RAB3C: variants seen among roughly 807,000 people sequenced by gnomAD.
The protein encoded by RAB3C is RAB3C, member RAS oncogene family.
In RAB3C, 17 loss-of-function variants were observed where a neutral mutation model predicts 26.4. The ratio of observed to expected loss-of-function variants is 0.64; its 90% CI spans 0.44 to 0.97. RAB3C has a LOEUF of 0.97. Ranked by LOEUF, RAB3C falls within the 50% of genes least tolerant of loss-of-function variation. The probability of loss-of-function intolerance (pLI) is 0.00; values close to 1 mark genes in which losing one functional copy is unlikely to be tolerated. For synonymous variants in RAB3C, 91 were observed against 95.9 expected, an observed-to-expected ratio of 0.95 and a Z score of 0.30; for missense variants, 242 against 281.9, an observed-to-expected ratio of 0.86 and a Z score of 1.01.
chr5:58,708,231 C>A (rs1220477220), intron 2 of RAB3C, among the ~76,000 whole-genome samples: 1 of 152,128 alleles, frequency 6.6e-6, no homozygotes, highest in East Asian at 1.9e-4. Context: ...CTCAAGTGAT[C>A]CTCTAGCCTC....
At chr5:58,685,533 C>A (rs1296832948) in intron 2 of RAB3C, among the ~76,000 whole-genome samples, 1 of 152,122 alleles carries the variant, frequency 6.6e-6, no homozygotes, top group Non-Finnish European at 1.5e-5. Context: ...TTCCTTCTCC[C>A]AAATAAGACC....
intron 2 of RAB3C, among the ~76,000 whole-genome samples, chr5:58,670,550 T>C (rs1253716242): frequency 6.6e-6 from 1 of 152,214 alleles, no homozygotes; most frequent in African/African-American, 2.4e-5. Context: ...TAATTATGTA[T>C]TTCCAACAGA....
intron 2 of RAB3C, among the ~76,000 whole-genome samples, chr5:58,622,076 C>T (rs1333017294): frequency 2.0e-5 from 3 of 152,096 alleles, no homozygotes; most frequent in Non-Finnish European, 2.9e-5. Context: ...TTCCTGAATG[C>T]GTTACACCTC....
intron 4 of RAB3C, among the ~76,000 whole-genome samples, chr5:58,826,626 G>A (rs1346864754): frequency 1.3e-5 from 2 of 152,056 alleles, no homozygotes; most frequent in South Asian, 2.1e-4. Context: ...TAAAACTTCT[G>A]TAAAACAAAA....
chr5:58,732,064 TTTTATTTA>T (rs72117623), intron 3 of RAB3C, among the ~76,000 whole-genome samples: 2 of 148,934 alleles, frequency 1.3e-5, no homozygotes, highest in Non-Finnish European at 3.0e-5. Flanking sequence ...TTATAGAGAA[TTTTATTTA>T]TTTATTTATT....
At position 58,675,602 on chromosome 5, in the gene RAB3C, A is replaced by G. The variant is rs1300441852; in HGVS notation, c.253-50400A>G. 4.2e-5 allele frequency among the ~76,000 whole-genome samples: 6 copies of G among 144,114 alleles called. No individual in the cohort carries two copies. In the East Asian group the frequency reaches 8.7e-4, roughly 21 times the overall value. The allele number at this position is 144,114 out of a possible 152,430, so 94.5% of individuals were successfully genotyped here. A position where few individuals can be genotyped will look rare whatever the true frequency, so the allele number is the denominator to read the frequency against. ...CAACACAGCGTCAGCATCTCCAACC[A>G]GAGGCCATTTGTCTTTTTTTTTTTT... On this transcript the variant is annotated intron_variant, in intron 2 of 4. Transcript: ENST00000282878.
rs202026707 is a variant in RAB3C, at chr5:58,628,801, G to A, written c.252+10931G>A. ...CCTTCCGCCTTGCCAGGCTGAGCAC[G>A]CTCCCTGCTGCCTGAGCAAGGTTCC... On this transcript the variant is annotated intron_variant, in intron 2 of 4. Coordinates refer to ENST00000282878, the MANE Select transcript of RAB3C (RefSeq NM_138453.4). 2.4e-4 allele frequency among the ~76,000 whole-genome samples: 36 copies of A among 152,230 alleles called. No individual in the cohort carries two copies. The East Asian group carries it at 2.7e-3, about 11-fold the overall frequency.
intron 3 of RAB3C, among the ~76,000 whole-genome samples, chr5:58,754,838 C>T (rs373292377): frequency 7.2e-5 from 11 of 152,210 alleles, no homozygotes; most frequent in African/African-American, 2.6e-4. Flanking sequence ...ACCACCTCCA[C>T]GGCTTCAGCA....
In RAB3C at chr5:58,823,924, G is replaced by A. The variant is rs1037356779; in HGVS notation, c.372-1114G>A. ...TAGAGTGTGATGTTCCCCTTCCTGT[G>A]TCCATGTGTTCTCATTGTTCAATTC... On this transcript the variant is annotated intron_variant, in intron 3 of 4. Coordinates refer to ENST00000282878, the MANE Select transcript of RAB3C (RefSeq NM_138453.4). Among the ~76,000 whole-genome samples the A allele has an allele frequency of 5.3e-5, 7 of 133,278 alleles. No individual in the cohort carries two copies. In the East Asian group the frequency reaches 1.6e-3, roughly 30 times the overall value. The allele number at this position is 133,278 out of a possible 152,430, so 87.4% of individuals were successfully genotyped here.
intron 2 of RAB3C, among the ~76,000 whole-genome samples, chr5:58,707,910 C>A (rs2111890415): frequency 6.6e-6 from 1 of 152,268 alleles, no homozygotes; most frequent in Non-Finnish European, 1.5e-5. Context: ...AGAGAAGAAA[C>A]CCTGCCCCGC....
chr5:58,789,807 A>G (rs749655657), intron 3 of RAB3C, among the ~76,000 whole-genome samples: 16 of 152,250 alleles, frequency 1.1e-4, no homozygotes, highest in Middle Eastern at 3.2e-3. Context: ...AAATAATTCT[A>G]TCCTGAAGTG....
In RAB3C at chr5:58,822,860, A is replaced by T. The variant is rs1364064594; in HGVS notation, c.372-2178A>T. ...TCTCGGTAGGTTTGGCATGGACAGG[A>T]TCTATGAAGGCCAAGTGGAGATGAC... On this transcript the variant is annotated intron_variant, in intron 3 of 4. Coordinates refer to ENST00000282878, the MANE Select transcript of RAB3C (RefSeq NM_138453.4). The T allele has an allele frequency of 6.3e-6, 4 of 638,656 alleles. No individual in the cohort carries two copies. In the Admixed American group the frequency reaches 7.2e-5, roughly 12 times the overall value. 39.6% of individuals were successfully genotyped at this position (638,656 alleles called of 1,614,324 possible). A position where few individuals can be genotyped will look rare whatever the true frequency, so the allele number is the denominator to read the frequency against.
chr5:58,748,534 T>C (rs949971574), intron 3 of RAB3C, among the ~76,000 whole-genome samples: 2 of 152,184 alleles, frequency 1.3e-5, no homozygotes, highest in African/African-American at 4.8e-5. Flanking sequence ...GGAAGAATCA[T>C]ACCTCTAATT....
intron 3 of RAB3C, among the ~76,000 whole-genome samples, chr5:58,786,449 G>C (rs542594903): frequency 2.6e-5 from 4 of 152,188 alleles, no homozygotes; most frequent in Admixed American, 2.6e-4. Context: ...CAGACAGACA[G>C]GAGGGACGCA....
At chr5:58,765,322 C>T (rs894890359) in intron 3 of RAB3C, among the ~76,000 whole-genome samples, 2 of 151,954 alleles carry the variant, frequency 1.3e-5, no homozygotes, top group African/African-American at 4.8e-5. Flanking sequence ...CTTACATTTT[C>T]TTTTGACTTG....
chr5:58,618,095 A>C (rs1306863214), intron 2 of RAB3C, among the ~76,000 whole-genome samples: 1 of 146,700 alleles, frequency 6.8e-6, no homozygotes, highest in African/African-American at 2.5e-5. Context: ...GTGCTCCTTA[A>C]GAGTCTTCAG....
At chr5:58,741,802 C>T (rs1159764874) in intron 3 of RAB3C, 5 of 151,834 alleles carry the variant, frequency 3.3e-5, no homozygotes, top group African/African-American at 4.8e-5. Context: ...GTCAGGAGTT[C>T]GAGACCAGCC....
intron 3 of RAB3C, among the ~76,000 whole-genome samples, chr5:58,745,951 G>T (rs1039094106): frequency 1.3e-5 from 2 of 152,118 alleles, no homozygotes; most frequent in African/African-American, 4.8e-5. Flanking sequence ...AAATGCCCAA[G>T]CCCAATCTTA....
intron 2 of RAB3C, among the ~76,000 whole-genome samples, chr5:58,663,480 A>T (rs1339358415): frequency 6.6e-6 from 1 of 150,394 alleles, no homozygotes; most frequent in Non-Finnish European, 1.5e-5. Flanking sequence ...AATTTTGATC[A>T]TCTTACTCCT....
Sources: allele counts gnomAD v4.1 joint callset (sites outside exome capture counted in the v4.1 genomes callset), GRCh38; gene constraint gnomAD v4.1.1; transcripts MANE v1.5; gene names NCBI Gene and HGNC (gene_info 2026-07-23, HGNC 2026-07-21).